Variants in NETO1 observed in about 807,000 individuals in gnomAD.
NETO1 encodes neuropilin and tolloid like 1.
A neutral mutation model predicts 61.3 loss-of-function variants in NETO1; 26 were observed. The observed-to-expected ratio is 0.42, with a 90% CI of 0.31 to 0.59. NETO1 has a LOEUF of 0.59. Among genes scored for constraint, NETO1 ranks in the 20% least tolerant of loss-of-function variants. The probability of loss-of-function intolerance (pLI) is 0.12; values close to 1 mark genes in which losing one functional copy is unlikely to be tolerated. For synonymous variants in NETO1, 225 were observed against 225.8 expected, an observed-to-expected ratio of 1.00 and a Z score of 0.03; for missense variants, 531 against 662.8, an observed-to-expected ratio of 0.80 and a Z score of 2.18.
chr18:72,841,901 G>A (rs1318987587), intron 4 of NETO1, among the ~76,000 whole-genome samples: 1 of 152,054 alleles, frequency 6.6e-6, no homozygotes, highest in Admixed American at 6.6e-5. Flanking sequence ...ACTACACCAA[G>A]GGCTTGTGCC....
chr18:72,833,110 C>T (rs2073632893), intron 4 of NETO1, among the ~76,000 whole-genome samples: 1 of 152,122 alleles, frequency 6.6e-6, no homozygotes, highest in African/African-American at 2.4e-5. Flanking sequence ...TTAAAGACTC[C>T]ATATATATGT....
At chr18:72,790,322 T>C (rs767541058) in intron 6 of NETO1, among the ~76,000 whole-genome samples, 2 of 152,104 alleles carry the variant, frequency 1.3e-5, no homozygotes, top group Non-Finnish European at 2.9e-5. Context: ...CAAGTATTAT[T>C]TGTCAATTAA....
chr18:72,837,760 T>C (rs1371962806), intron 4 of NETO1, among the ~76,000 whole-genome samples: 1 of 152,140 alleles, frequency 6.6e-6, no homozygotes, highest in Admixed American at 6.5e-5. Context: ...AATGAGAGCT[T>C]GGGGGGATCC....
chr18:72,766,312 A>C (rs1307521718), intron 7 of NETO1, among the ~76,000 whole-genome samples: 2 of 151,826 alleles, frequency 1.3e-5, no homozygotes, highest in Admixed American at 1.3e-4. Context: ...AAATATAAAA[A>C]ATATATAAAA....
At chr18:72,867,151 C>T in intron 1 of NETO1, 113 bp downstream of exon 1, 1 of 765,282 alleles carries the variant, frequency 1.3e-6, no homozygotes, top group Non-Finnish European at 1.9e-6. Flanking sequence ...CCGCGCGGGA[C>T]TGCAGGGTCC....
chr18:72,820,299 A>G (rs2073150975), intron 4 of NETO1, among the ~76,000 whole-genome samples: 1 of 152,240 alleles, frequency 6.6e-6, no homozygotes, highest in Non-Finnish European at 1.5e-5. Context: ...AAAGTTTCAA[A>G]TGATTACAAT....
At chr18:72,806,078 GT>G (rs1568214394) in intron 4 of NETO1, among the ~76,000 whole-genome samples, 2 of 152,004 alleles carry the variant, frequency 1.3e-5, no homozygotes, top group African/African-American at 2.4e-5. Flanking sequence ...TGGGGGGTGG[GT>G]TGGTAGACGA....
chr18:72,783,430 A>G (rs1599167634), intron 7 of NETO1, among the ~76,000 whole-genome samples: 1 of 152,234 alleles, frequency 6.6e-6, no homozygotes, highest in East Asian at 1.9e-4. Flanking sequence ...ATCATTTCCC[A>G]GTTGAATAGT....
intron 6 of NETO1, among the ~76,000 whole-genome samples, chr18:72,791,622 C>T (rs2072121672): frequency 1.3e-5 from 2 of 149,792 alleles, no homozygotes; most frequent in South Asian, 4.1e-4. Context: ...GTACAAAAGA[C>T]AGTCTATTTA....
At chr18:72,865,357 A>G (rs2145699480) in intron 1 of NETO1, 116 bp from the exon 2 acceptor site, 1 of 1,160,474 alleles carries the variant, frequency 8.6e-7, no homozygotes. Context: ...TTTCATTGTT[A>G]ACTGTTAGAA....
intron 7 of NETO1, among the ~76,000 whole-genome samples, chr18:72,760,686 C>T (rs1173433320): frequency 1.3e-5 from 2 of 152,130 alleles, no homozygotes; most frequent in Non-Finnish European, 2.9e-5. Flanking sequence ...AAAGATAATA[C>T]TTACCCAAGC....
chr18:72,841,437 A>G (rs1435734536), intron 4 of NETO1, among the ~76,000 whole-genome samples: 1 of 151,982 alleles, frequency 6.6e-6, no homozygotes, highest in Non-Finnish European at 1.5e-5. Flanking sequence ...AATCAAGCTC[A>G]GAAAGGCCAT....
At chr18:72,855,128 G>A (rs4892053) in intron 4 of NETO1, among the ~76,000 whole-genome samples, 4 of 152,058 alleles carry the variant, frequency 2.6e-5, no homozygotes, top group Admixed American at 1.3e-4. Flanking sequence ...ATTCCATGGC[G>A]TAACTTTTAA....
At chr18:72,755,725 C>T (rs890844566) in intron 8 of NETO1, among the ~76,000 whole-genome samples, 1 of 152,040 alleles carries the variant, frequency 6.6e-6, no homozygotes, top group Admixed American at 6.6e-5. Flanking sequence ...CAGCATCACA[C>T]ATGACAGGAA....
At chr18:72,833,838 G>A (rs1376776191) in intron 4 of NETO1, among the ~76,000 whole-genome samples, 4 of 152,072 alleles carry the variant, frequency 2.6e-5, no homozygotes, top group Non-Finnish European at 5.9e-5. Context: ...GACTCTAAAC[G>A]TCCCTGCACG....
At position 72,859,072 on chromosome 18, in the gene NETO1, C is replaced by A; in HGVS notation, c.223G>T (p.Ala75Ser). 1 of 1,590,276 alleles carries A rather than the reference C, an allele frequency of 6.3e-7. No homozygotes were observed. The highest frequency in any genetic ancestry group is 1.2e-5 in the South Asian group (1 of 86,838). Reference protein sequence around the residue: ...DRECIYIIEAAPRQCIELYFD... With the variant: ...DRECIYIIEASPRQCIELYFD... ...TAAAGTTCAATGCACTGTCTTGGAGCGGCTGTAAAGAAGAAAGATTGTGTC... is the reference window on the plus strand; with the variant it reads ...TAAAGTTCAATGCACTGTCTTGGAGAGGCTGTAAAGAAGAAAGATTGTGTC... Residue 75 changes from alanine (A) to serine (S), a missense_variant and splice_region_variant, in exon 4 of 11, where the codon GCT (alanine) becomes TCT (serine). Coordinates refer to ENST00000327305, the MANE Select transcript of NETO1 (RefSeq NM_138966.5).
At chr18:72,809,175 C>T (rs2072779837) in intron 4 of NETO1, among the ~76,000 whole-genome samples, 1 of 151,998 alleles carries the variant, frequency 6.6e-6, no homozygotes, top group African/African-American at 2.4e-5. Context: ...ACACATAAGG[C>T]ATATACTGAC....
intron 4 of NETO1, among the ~76,000 whole-genome samples, chr18:72,842,822 G>T (rs910540352): frequency 6.6e-6 from 1 of 152,198 alleles, no homozygotes; most frequent in South Asian, 2.1e-4. Context: ...ACACCTCATA[G>T]GTATAGCATA....
chr18:72,750,674 G>T (rs2070572214), intron 8 of NETO1, 54 bp from the exon 9 acceptor site: 4 of 1,306,960 alleles, frequency 3.1e-6, no homozygotes, highest in Non-Finnish European at 3.2e-6. Flanking sequence ...AAGCAACGCA[G>T]CAAACATTAA....
Sources: allele counts gnomAD v4.1 joint callset (sites outside exome capture counted in the v4.1 genomes callset), GRCh38; gene constraint gnomAD v4.1.1; transcripts MANE v1.5; gene names NCBI Gene and HGNC (gene_info 2026-07-23, HGNC 2026-07-21).